The following CTNNA2 variants were observed in gnomAD, a reference collection of about 807,000 sequenced individuals.
CTNNA2 encodes the protein catenin alpha 2.
CTNNA2 carries 42 observed loss-of-function variants against 101.0 expected under a neutral mutation model. The ratio of observed to expected loss-of-function variants is 0.42; its 90% CI spans 0.32 to 0.54. CTNNA2 has a LOEUF of 0.54. CTNNA2 is among the 20% of genes least tolerant of loss of function. The pLI is 0.14. For synonymous variants in CTNNA2, 450 were observed against 456.4 expected (o/e 0.99, Z 0.18); for missense variants, 871 against 1,223.1 (o/e 0.71, Z 4.29).
At chr2:80,254,904 C>T (rs151163466) in intron 7 of CTNNA2, among the ~76,000 whole-genome samples, 7 of 152,166 alleles carry the variant, frequency 4.6e-5, no homozygotes, top group African/African-American at 1.2e-4. Context: ...AGAGACAGAA[C>T]CTGGGTACTG....
intron 7 of CTNNA2, among the ~76,000 whole-genome samples, chr2:80,231,011 G>A (rs1037936599): frequency 4.6e-5 from 7 of 151,724 alleles, no homozygotes; most frequent in East Asian, 1.9e-4. Flanking sequence ...TCGCTCTGTC[G>A]TCCAGGCTGG....
At chr2:79,534,706 T>C (rs1038868142) in intron 1 of CTNNA2, among the ~76,000 whole-genome samples, 5 of 152,204 alleles carry the variant, frequency 3.3e-5, no homozygotes, top group African/African-American at 9.6e-5. Flanking sequence ...ATTTTTGATA[T>C]TGTGCTTGTT....
At chr2:80,372,682 C>CTTTTTTTTTTTTTTTTTTTTTTT (rs57178483) in intron 7 of CTNNA2, among the ~76,000 whole-genome samples, 1 of 142,376 alleles carries the variant, frequency 7.0e-6, no homozygotes, top group Non-Finnish European at 1.5e-5. Flanking sequence ...GGGAAAACAG[C>CTTTTTTTTTTTTTTTTTTTTTTT]TTTTTTTTTT....
chr2:80,081,731 A>ATC lies in CTNNA2; in HGVS notation c.1056+171952_1056+171953dup, dbSNP rs141997672. Among the ~76,000 whole-genome samples, 56 of 144,094 alleles carry ATC rather than the reference A, an allele frequency of 3.9e-4. No homozygotes were observed. The East Asian group carries it at 6.9e-3, about 18-fold the overall frequency. 94.5% of individuals were successfully genotyped at this position (144,094 alleles called of 152,430 possible). The stretch of plus-strand genomic sequence containing the variant: ...TCCAAGTTACTACTCCGCTAAGACA[A>ATC]TCTCTCTCTCTCTCTCTCTTGCTCT... On this transcript the variant is annotated intron_variant, in intron 7 of 18. Transcript: ENST00000402739.
intron 2 of CTNNA2, among the ~76,000 whole-genome samples, chr2:79,656,128 A>AT (rs1681599464): frequency 6.6e-6 from 1 of 152,032 alleles, no homozygotes; most frequent in African/African-American, 2.4e-5. Context: ...TTAAGATGGG[A>AT]TTTTCCTTAT....
At chr2:79,284,632 CT>C (rs1675505090) in intron 2 of CTNNA2, among the ~76,000 whole-genome samples, 1 of 148,834 alleles carries the variant, frequency 6.7e-6, no homozygotes, top group Non-Finnish European at 1.5e-5. Flanking sequence ...GGTGGATAAG[CT>C]TTTTGATGTG....
chr2:79,215,786 C>T (rs569530101), intron 2 of CTNNA2, among the ~76,000 whole-genome samples: 5 of 152,030 alleles, frequency 3.3e-5, no homozygotes, highest in South Asian at 2.1e-4. Flanking sequence ...AGTCACAGAA[C>T]GAAACTGTAA....
chr2:79,303,464 G>A (rs910412537), intron 2 of CTNNA2, among the ~76,000 whole-genome samples: 3 of 152,118 alleles, frequency 2.0e-5, no homozygotes, highest in African/African-American at 7.2e-5. Flanking sequence ...AGGTGGTCAT[G>A]TATATTTACA....
intron 18 of CTNNA2, among the ~76,000 whole-genome samples, chr2:80,646,039 G>A (rs1303646149): frequency 1.3e-5 from 2 of 152,120 alleles, no homozygotes; most frequent in Non-Finnish European, 2.9e-5. Context: ...AGCAGCCAAA[G>A]GAACAGTATC....
intron 1 of CTNNA2, among the ~76,000 whole-genome samples, chr2:79,647,826 A>G (rs1366985935): frequency 6.6e-6 from 1 of 152,182 alleles, no homozygotes; most frequent in African/African-American, 2.4e-5. Flanking sequence ...GAGTTGGCTG[A>G]CTAGGCTTAA....
intron 7 of CTNNA2, among the ~76,000 whole-genome samples, chr2:80,040,888 G>T (rs1243248599): frequency 6.6e-6 from 1 of 152,088 alleles, no homozygotes; most frequent in Non-Finnish European, 1.5e-5. Flanking sequence ...AGATATATGT[G>T]TCAAAAAATA....
intron 7 of CTNNA2, among the ~76,000 whole-genome samples, chr2:80,368,041 C>T (rs926497417): frequency 2.0e-5 from 3 of 152,106 alleles, no homozygotes; most frequent in African/African-American, 7.2e-5. Context: ...CTTCTGAAAG[C>T]TTGACACATT....
At chr2:80,435,211 G>A (rs1343067675) in intron 9 of CTNNA2, among the ~76,000 whole-genome samples, 2 of 152,140 alleles carry the variant, frequency 1.3e-5, no homozygotes, top group Non-Finnish European at 2.9e-5. Flanking sequence ...AAATAAATAT[G>A]CATATGCACA....
intron 3 of CTNNA2, among the ~76,000 whole-genome samples, chr2:79,837,014 G>C (rs756015404): frequency 6.6e-6 from 1 of 152,138 alleles, no homozygotes; most frequent in African/African-American, 2.4e-5. Flanking sequence ...GGACGAATTC[G>C]TAAGTATTGG....
intron 7 of CTNNA2, among the ~76,000 whole-genome samples, chr2:80,046,221 TG>T (rs1696512982): frequency 6.6e-5 from 10 of 152,298 alleles, no homozygotes; most frequent in Admixed American, 6.5e-4. Flanking sequence ...AAGTGTGCCA[TG>T]CCTCTCCTGA....
At chr2:79,876,210 G>A (rs909274249) in intron 6 of CTNNA2, among the ~76,000 whole-genome samples, 1 of 152,072 alleles carries the variant, frequency 6.6e-6, no homozygotes, top group Admixed American at 6.5e-5. Flanking sequence ...GAGTGATAAA[G>A]GATTTTTGTT....
chr2:80,271,814 G>T (rs988848380), intron 7 of CTNNA2, among the ~76,000 whole-genome samples: 3 of 152,134 alleles, frequency 2.0e-5, no homozygotes, highest in African/African-American at 7.2e-5. Context: ...GGCATATATG[G>T]TAAACACTAA....
At chr2:79,467,538 T>C (rs1296899673) in intron 4 of CTNNA2, among the ~76,000 whole-genome samples, 1 of 152,098 alleles carries the variant, frequency 6.6e-6, no homozygotes, top group South Asian at 2.1e-4. Context: ...GCCACAAAGA[T>C]ACTCCTTGAG....
chr2:80,028,292 G>T (rs1013234671), intron 7 of CTNNA2: 1 of 152,110 alleles, frequency 6.6e-6, no homozygotes, highest in South Asian at 2.1e-4. Context: ...GGTTGCTTTC[G>T]CAGCAAAACT....
Sources: gnomAD v4.1 joint callset for allele counts (sites outside exome capture counted in the v4.1 genomes callset) on GRCh38, gnomAD v4.1.1 for gene constraint, MANE v1.5 for transcripts, NCBI Gene and HGNC (gene_info 2026-07-23, HGNC 2026-07-21) for gene names.